The following COX11 variants were observed in gnomAD, a reference collection of about 807,000 sequenced individuals.
COX11 encodes cytochrome c oxidase assembly protein COX11, mitochondrial.
In COX11, 18 loss-of-function variants were observed where a neutral mutation model predicts 29.4. The observed-to-expected ratio is 0.61, with a 90% CI of 0.42 to 0.91. COX11 has a LOEUF of 0.91. COX11 is among the 40% of genes least tolerant of loss of function. The pLI is 0.00. For synonymous variants in COX11, 131 were observed against 124.0 expected (o/e 1.06, Z -0.38); for missense variants, 312 against 346.0 (o/e 0.90, Z 0.78).
rs1567853246 is a variant in COX11 at position 54,961,228 on chromosome 17, AT to A, written c.*1504del. 6.6e-7 allele frequency: 1 copy of A among 1,509,412 alleles called. No individual in the cohort carries two copies. The highest frequency in any genetic ancestry group is 2.0e-5 in the Admixed American group (1 of 50,894). The allele number at this position is 1,509,412 out of a possible 1,614,324, so 93.5% of individuals were successfully genotyped here. A position where few individuals can be genotyped will look rare whatever the true frequency, so the allele number is the denominator to read the frequency against. On this transcript the variant is annotated 3_prime_UTR_variant, in exon 4 of 4. Transcript: ENST00000299335. The stretch of plus-strand genomic sequence containing the variant: ...GAATACTGGCCATTTTCTTCTCTTT[AT>A]TTTAGAAGAAAGTGGATGATCAGCT...
chr17:54,967,040 G>GCACACACACACACA (rs1491115527), intron 1 of COX11, among the ~76,000 whole-genome samples: 10 of 38,446 alleles, frequency 2.6e-4, no homozygotes, highest in African/African-American at 5.4e-4. Context: ...GTGCGCGCGC[G>GCACACACACACACA]CGCACACACA....
Position 54,962,345 on chromosome 17 carries a change from G to T in COX11, c.*388C>A. 1 of 989,436 alleles carries T rather than the reference G, an allele frequency of 1.0e-6. No individual in the cohort carries two copies. The highest frequency in any genetic ancestry group is 1.7e-5 in the African/African-American group (1 of 57,370). The allele number at this position is 989,436 out of a possible 1,614,324, so 61.3% of individuals were successfully genotyped here. A position where few individuals can be genotyped will look rare whatever the true frequency, so the allele number is the denominator to read the frequency against. ...GGTTAGAAGTTCTGGCCTATGACTT[G>T]AAACAAATAACCCTGAGCATACATT... is the stretch of plus-strand genomic sequence containing the variant. On this transcript the variant is annotated 3_prime_UTR_variant, in exon 4 of 4. Coordinates refer to ENST00000299335, the MANE Select transcript of COX11 (RefSeq NM_004375.5).
At position 54,961,850 on chromosome 17, in the gene COX11, T is replaced by C. The variant is rs1328862177; in HGVS notation, c.*883A>G. ...GATTCTTTGTAATGCTAAATAGCCTTTTTTTCTCTTTTTACTGCAACTTAA... is the reference window on the plus strand; with the variant it reads ...GATTCTTTGTAATGCTAAATAGCCTCTTTTTCTCTTTTTACTGCAACTTAA... On this transcript the variant is annotated 3_prime_UTR_variant, in exon 4 of 4. Coordinates refer to ENST00000299335, the MANE Select transcript of COX11 (RefSeq NM_004375.5). The C allele has an allele frequency of 8.3e-6, 8 of 968,856 alleles. No individual in the cohort carries two copies. The highest frequency in any genetic ancestry group is 9.8e-6 in the Non-Finnish European group (8 of 814,840). The allele number at this position is 968,856 out of a possible 1,614,324, so 60.0% of individuals were successfully genotyped here.
At chr17:54,957,590 T>C (rs1415340001), downstream of COX11, 2 of 152,198 alleles carry the variant, frequency 1.3e-5, no homozygotes, top group Admixed American at 1.3e-4. Context: ...TGGGTCTTTC[T>C]TTCTGGGGGT....
chr17:54,963,344 C>A lies in COX11; in HGVS notation c.610G>T (p.Val204Phe), dbSNP rs747641091. The A allele has an allele frequency of 8.1e-6, 13 of 1,612,038 alleles. 1 individual carries two copies. In the South Asian group the frequency reaches 1.3e-4, roughly 16 times the overall value. Residue 204 changes from valine to phenylalanine, a missense_variant, in exon 3 of 4, where the codon GTT (valine) becomes TTT (phenylalanine). Val to Phe is a conservative substitution (Grantham distance 50, BLOSUM62 -1). Transcript: ENST00000299335. ...AAATACTGTCCAGCTTCAAATGGAA[C>A]AATATTGTATGTAGAAATTCCAATT... Reference protein sequence around the residue: ...PVIGISTYNIVPFEAGQYFNK... With the variant: ...PVIGISTYNIFPFEAGQYFNK...
At chr17:54,957,046 A>T (rs1184408614), downstream of COX11, 2 of 152,240 alleles carry the variant, frequency 1.3e-5, no homozygotes, top group Non-Finnish European at 2.9e-5. Context: ...AACTGGTTTA[A>T]ACCAGCTAGC....
chr17:54,968,420 C>T lies in COX11; in HGVS notation c.227G>A (p.Ser76Asn), dbSNP rs757543197. Reference protein sequence around the residue: ...PALQPPRRPKSSNPFTRAQEE... With the variant: ...PALQPPRRPKNSNPFTRAQEE... ...CTGCGCGCGTGTGAAAGGGTTCGAGCTCTTAGGCCGCCGCGGCGGCTGCAA... is the reference window on the plus strand; with the variant it reads ...CTGCGCGCGTGTGAAAGGGTTCGAGTTCTTAGGCCGCCGCGGCGGCTGCAA... The change falls in exon 1 of 4, where the codon AGC becomes AAC. Residue 76 changes from serine to asparagine, a missense_variant. Around this residue, in one of 2 missense-constraint regions of COX11, gnomAD observed 130 missense variants for 106.0 expected, o/e 1.23. Transcript: ENST00000299335. 3 of 1,613,522 alleles carry T rather than the reference C, an allele frequency of 1.9e-6. No homozygotes were observed. In the South Asian group the frequency reaches 3.3e-5, roughly 18 times the overall value.
Position 54,960,761 on chromosome 17 carries a change from ATCAT to A in COX11, c.*1968_*1971del. On this transcript the variant is annotated 3_prime_UTR_variant, in exon 4 of 4. Coordinates refer to ENST00000299335, the MANE Select transcript of COX11 (RefSeq NM_004375.5). ...CACTTTGAAATATGAGTTCCCCTGA[ATCAT>A]TCAAATTGTGCTGAACCATTGTTCA... 1 of 670,028 alleles carries A rather than the reference ATCAT, an allele frequency of 1.5e-6. No homozygotes were observed. Among genetic ancestry groups the A allele is most frequent in the Middle Eastern group, 4.1e-4 (1 of 2,446 alleles). The allele number at this position is 670,028 out of a possible 1,614,324, so 41.5% of individuals were successfully genotyped here. A position where few individuals can be genotyped will look rare whatever the true frequency, so the allele number is the denominator to read the frequency against.
At position 54,961,388 on chromosome 17, in the gene COX11, C is replaced by CTA. The variant is rs1374042716; in HGVS notation, c.*1344_*1345insTA. ...CTATAATGAAGATTAAATAGAATAA[C>CTA]AGTTCCAGGATAACACTGATTCCTG... On this transcript the variant is annotated 3_prime_UTR_variant, in exon 4 of 4. Transcript: ENST00000299335. The CTA allele has an allele frequency of 6.5e-7, 1 of 1,548,296 alleles. No individual in the cohort carries two copies. The highest frequency in any genetic ancestry group is 1.4e-5 in the African/African-American group (1 of 72,916).
Position 54,961,016 on chromosome 17 carries a change from G to T in COX11, c.*1717C>A. 1.8e-6 allele frequency: 1 copy of T among 565,206 alleles called. No homozygotes were observed. Among genetic ancestry groups the T allele is most frequent in the South Asian group, 2.3e-5 (1 of 44,276 alleles). The allele number at this position is 565,206 out of a possible 1,614,324, so 35.0% of individuals were successfully genotyped here. ...TAGGTCTGAATTTTTCCTATTTTCAGCACTACTAATCCCATGTATTTACTA... is the reference window on the plus strand; with the variant it reads ...TAGGTCTGAATTTTTCCTATTTTCATCACTACTAATCCCATGTATTTACTA... On this transcript the variant is annotated 3_prime_UTR_variant, in exon 4 of 4. Transcript: ENST00000299335.
Position 54,961,169 on chromosome 17 carries a change from G to T in COX11, c.*1564C>A. On this transcript the variant is annotated 3_prime_UTR_variant, in exon 4 of 4. Coordinates refer to ENST00000299335, the MANE Select transcript of COX11 (RefSeq NM_004375.5). ...CCAGCTTCCCAGTAAAGACAAGAGA[G>T]TTATCAAGGAATGGGGAAAGAGAAG... is the stretch of plus-strand genomic sequence containing the variant. 1 of 1,106,310 alleles carries T rather than the reference G, an allele frequency of 9.0e-7. No homozygotes were observed. The highest frequency in any genetic ancestry group is 1.3e-6 in the Non-Finnish European group (1 of 743,544). The allele number at this position is 1,106,310 out of a possible 1,614,324, so 68.5% of individuals were successfully genotyped here. A position where few individuals can be genotyped will look rare whatever the true frequency, so the allele number is the denominator to read the frequency against.
rs1318819655 is a variant in COX11, at chr17:54,960,842, G to C, written c.*1891C>G. Among the ~76,000 whole-genome samples the C allele has an allele frequency of 6.6e-6, 1 of 152,206 alleles. No homozygotes were observed. The highest frequency in any genetic ancestry group is 2.1e-4 in the South Asian group (1 of 4,804). ...TCTCATCTGTAAATAGTAAGGCTTG[G>C]GAATACAGTAGTTTATGGTATAGAA... On this transcript the variant is annotated 3_prime_UTR_variant, in exon 4 of 4. Coordinates refer to ENST00000299335, the MANE Select transcript of COX11 (RefSeq NM_004375.5).
rs1168321617 is a variant in COX11, at chr17:54,961,322, A to G, written c.*1411T>C. ...TGTGCAGCTTTGAAGCCTGGAAGAC[A>G]ATACCTACCAACATGTCAAAGCCAT... On this transcript the variant is annotated 3_prime_UTR_variant, in exon 4 of 4. Coordinates refer to ENST00000299335, the MANE Select transcript of COX11 (RefSeq NM_004375.5). The G allele has an allele frequency of 5.8e-6, 9 of 1,551,446 alleles. No individual in the cohort carries two copies. In the African/African-American group the frequency reaches 9.6e-5, roughly 17 times the overall value.
In COX11 at chr17:54,960,734, G is replaced by A. The variant is rs2077100157; in HGVS notation, c.*1999C>T. 1.1e-5 allele frequency: 9 copies of A among 809,242 alleles called. No individual in the cohort carries two copies. The East Asian group carries it at 1.9e-4, about 17-fold the overall frequency. 50.1% of individuals were successfully genotyped at this position (809,242 alleles called of 1,614,324 possible). A position where few individuals can be genotyped will look rare whatever the true frequency, so the allele number is the denominator to read the frequency against. ...AATTTTCTAAGGGCCATCTGAGTCT[G>A]ACACTTTGAAATATGAGTTCCCCTG... On this transcript the variant is annotated 3_prime_UTR_variant, in exon 4 of 4. Coordinates refer to ENST00000299335, the MANE Select transcript of COX11 (RefSeq NM_004375.5).
chr17:54,966,160 A>C (rs2077213263), intron 1 of COX11, among the ~76,000 whole-genome samples: 1 of 152,230 alleles, frequency 6.6e-6, no homozygotes, highest in Non-Finnish European at 1.5e-5. Flanking sequence ...TTTACTAAAA[A>C]ATTTAAGTCA....
At chr17:54,963,225 G>C in intron 3 of COX11, 81 bp downstream of exon 3, 1 of 1,451,518 alleles carries the variant, frequency 6.9e-7, no homozygotes, top group East Asian at 2.3e-5. Flanking sequence ...GAAATCACAA[G>C]ATCTACTAAA....
chr17:54,964,499 A>G, intron 2 of COX11, 198 bp downstream of exon 2: 1 of 564,578 alleles, frequency 1.8e-6, no homozygotes, highest in East Asian at 3.2e-5. Context: ...ACTTTTTAAT[A>G]GTGCTTTACA....
exon 1 of COX11, chr17:54,954,474 CA>C (rs2049391979): frequency 6.6e-6 from 1 of 152,314 alleles, no homozygotes; most frequent in South Asian, 2.1e-4. Context: ...AAGAGTGCAA[CA>C]GGGGCCTGCT....
At chr17:54,953,992 A>C (rs2049364776) in exon 1 of COX11, 1 of 152,184 alleles carries the variant, frequency 6.6e-6, no homozygotes, top group African/African-American at 2.4e-5. Flanking sequence ...GATTTCCCCA[A>C]TTGACCAGGG....
Sources: allele counts gnomAD v4.1 joint callset (sites outside exome capture counted in the v4.1 genomes callset), GRCh38; gene constraint gnomAD v4.1.1; regional missense constraint gnomAD v4.1.1; transcripts MANE v1.5; gene names NCBI Gene and HGNC (gene_info 2026-07-23, HGNC 2026-07-21).